PDE1A: variants seen among roughly 807,000 people sequenced by gnomAD.
The protein encoded by PDE1A is dual specificity calcium/calmodulin-dependent 3',5'-cyclic nucleotide phosphodiesterase 1A.
A neutral mutation model predicts 61.7 loss-of-function variants in PDE1A; 35 were observed. That is an observed-to-expected ratio of 0.57 (90% CI 0.43 to 0.75). The LOEUF (loss-of-function observed/expected upper bound fraction) is 0.75, where lower values mean the gene tolerates loss of function less well. Among genes scored for constraint, PDE1A ranks in the 30% least tolerant of loss-of-function variants. The pLI is 0.00. For synonymous variants in PDE1A, 232 were observed against 213.2 expected (o/e 1.09, Z -0.77); for missense variants, 597 against 630.6 (o/e 0.95, Z 0.57).
At chr2:182,428,077 G>T (rs1574634746), upstream of PDE1A, among the ~76,000 whole-genome samples, 1 of 152,206 alleles carries the variant, frequency 6.6e-6, no homozygotes, top group African/African-American at 2.4e-5. Context: ...AGAGTTATAA[G>T]GGAATCATGG....
the PDE1A span, among the ~76,000 whole-genome samples, chr2:182,556,285 T>A: frequency 1.3e-5 from 2 of 152,076 alleles, no homozygotes; most frequent in Non-Finnish European, 2.9e-5. Flanking sequence ...AATATGGCAA[T>A]GAGGCTGAGA....
At chr2:182,571,070 C>T in the PDE1A span, among the ~76,000 whole-genome samples, 52 of 152,142 alleles carry the variant, frequency 3.4e-4, no homozygotes, top group African/African-American at 1.0e-3. Flanking sequence ...TAAGTAGATG[C>T]TAATGTTTAA....
At chr2:182,404,035 A>C (rs1702165699) in intron 1 of PDE1A, among the ~76,000 whole-genome samples, 1 of 84,832 alleles carries the variant, frequency 1.2e-5, no homozygotes, top group African/African-American at 4.9e-5. Flanking sequence ...AACTTATGTC[A>C]ATAGGAACAA....
intron 6 of PDE1A, among the ~76,000 whole-genome samples, chr2:182,226,397 T>C (rs1689145022): frequency 6.7e-6 from 1 of 149,846 alleles, no homozygotes; most frequent in Admixed American, 6.6e-5. Flanking sequence ...CCCTTACTTA[T>C]TTCTGCACTA....
At chr2:182,185,674 C>A in intron 13 of PDE1A, 1 of 729,234 alleles carries the variant, frequency 1.4e-6, no homozygotes, top group Non-Finnish European at 2.1e-6. Flanking sequence ...CACTGACACA[C>A]AGATCTGCAG....
chr2:182,401,753 A>G (rs1286330897), intron 1 of PDE1A, among the ~76,000 whole-genome samples: 1 of 152,236 alleles, frequency 6.6e-6, no homozygotes, highest in African/African-American at 2.4e-5. Context: ...TTTGCAGATG[A>G]CATGACTGTA....
intron 2 of PDE1A, among the ~76,000 whole-genome samples, chr2:182,460,431 G>A (rs376629131): frequency 6.6e-6 from 1 of 152,094 alleles, no homozygotes. Flanking sequence ...AAGAGATGGG[G>A]TGTCACTATG....
intron 1 of PDE1A, among the ~76,000 whole-genome samples, chr2:182,279,293 T>A (rs1282284535): frequency 6.6e-6 from 1 of 151,884 alleles, no homozygotes; most frequent in Non-Finnish European, 1.5e-5. Flanking sequence ...TATCATGATG[T>A]ACAGAAACTC....
chr2:182,675,166 T>C, the PDE1A span, among the ~76,000 whole-genome samples: 1 of 152,126 alleles, frequency 6.6e-6, no homozygotes, highest in Non-Finnish European at 1.5e-5. Context: ...GTTCATGAGT[T>C]CTCCTTATTT....
intron 2 of PDE1A, among the ~76,000 whole-genome samples, chr2:182,481,476 G>C (rs540502798): frequency 6.6e-6 from 1 of 151,852 alleles, no homozygotes; most frequent in African/African-American, 2.4e-5. Flanking sequence ...TCTCCCAAAT[G>C]CTGAAAATAT....
At chr2:182,184,240 G>A (rs1201174271) in intron 13 of PDE1A, among the ~76,000 whole-genome samples, 4 of 132,340 alleles carry the variant, frequency 3.0e-5, no homozygotes, top group African/African-American at 1.2e-4. Context: ...TAAGAAGCTA[G>A]TGAACACTAA....
chr2:182,408,518 C>T (rs1175031413), intron 1 of PDE1A, among the ~76,000 whole-genome samples: 1 of 152,182 alleles, frequency 6.6e-6, no homozygotes, highest in Non-Finnish European at 1.5e-5. Flanking sequence ...ATGGCCCTGA[C>T]CTATCACCTG....
the PDE1A span, among the ~76,000 whole-genome samples, chr2:182,657,209 G>A: frequency 1.3e-5 from 2 of 152,184 alleles, no homozygotes; most frequent in East Asian, 1.9e-4. Context: ...GTGACAGATC[G>A]AGACTCCGTC....
chr2:182,362,651 A>T (rs1266598290), intron 1 of PDE1A, among the ~76,000 whole-genome samples: 4 of 152,034 alleles, frequency 2.6e-5, no homozygotes, highest in African/African-American at 9.7e-5. Flanking sequence ...GTTGTTGTGG[A>T]AGACAATGTA....
intron 1 of PDE1A, 69 bp from the exon 2 acceptor site, chr2:182,264,483 A>G: frequency 9.9e-7 from 1 of 1,007,998 alleles, no homozygotes; most frequent in Non-Finnish European, 1.5e-6. Flanking sequence ...AAAATAGTAC[A>G]GTATTAAATA....
rs548857346 is a variant in PDE1A at position 182,497,822 on chromosome 2, C to G, written c.101+24454G>C. 2.6e-5 allele frequency among the ~76,000 whole-genome samples: 4 copies of G among 151,888 alleles called. No homozygotes were observed. In the South Asian group the frequency reaches 8.3e-4, roughly 32 times the overall value. ...CTTTGGGAGGCCGAGGTCGGCGGAT[C>G]ACGAGGTCAGGAAATTGAGTCCATC... On this transcript the variant is annotated intron_variant, in intron 2 of 14. Coordinates refer to the PDE1A transcript ENST00000410103.
chr2:182,224,007 T>G, intron 6 of PDE1A, 43 bp from the exon 7 acceptor site: 1 of 1,325,376 alleles, frequency 7.5e-7, no homozygotes, highest in Non-Finnish European at 1.1e-6. Flanking sequence ...AAGAAGTAGA[T>G]AACATCTTTC....
intron 10 of PDE1A, among the ~76,000 whole-genome samples, chr2:182,193,768 C>A (rs917624481): frequency 2.0e-5 from 3 of 152,056 alleles, no homozygotes; most frequent in Admixed American, 6.6e-5. Context: ...ATTAGAACCC[C>A]TGGTGTAATC....
At position 182,386,956 on chromosome 2, in the gene PDE1A, C is replaced by T. The variant is rs570523122; in HGVS notation, c.53+39622G>A. Among the ~76,000 whole-genome samples, 592 of 152,274 alleles carry T rather than the reference C, an allele frequency of 3.9e-3. 2 individuals are homozygous for T. Among genetic ancestry groups the T allele is most frequent in the African/African-American group, 0.013 (548 of 41,560 alleles). ...CACTGAGAATGGGCCATGATGACGA[C>T]GGCGGTTTTGTGAAATAGAAAAGGG... On this transcript the variant is annotated intron_variant, in intron 1 of 13. Coordinates refer to ENST00000351439, the Ensembl canonical transcript of PDE1A.
Sources: allele counts gnomAD v4.1 joint callset (sites outside exome capture counted in the v4.1 genomes callset), GRCh38; gene constraint gnomAD v4.1.1; transcripts MANE v1.5; gene names NCBI Gene and HGNC (gene_info 2026-07-23, HGNC 2026-07-21).